SATB2: variants seen among roughly 807,000 people sequenced by gnomAD.
The protein encoded by SATB2 is SATB homeobox 2.
SATB2 carries 1 observed loss-of-function variant against 73.4 expected under a neutral mutation model. The observed-to-expected ratio is 0.01, with a 90% CI of 0.00 to 0.06. The LOEUF (loss-of-function observed/expected upper bound fraction) is 0.06. SATB2 is among the 10% of genes least tolerant of loss of function. SATB2 has a pLI of 1.00. For synonymous variants in SATB2, 397 were observed against 367.0 expected (o/e 1.08, Z -0.93); for missense variants, 459 against 945.8 (o/e 0.49, Z 6.75).
chr2:199,344,682 TACCAA>T (rs1238461933), intron 7 of SATB2, among the ~76,000 whole-genome samples: 1 of 152,214 alleles, frequency 6.6e-6, no homozygotes, highest in African/African-American at 2.4e-5. Flanking sequence ...TGAAGACCGT[TACCAA>T]ACCACAATGA....
At position 199,272,538 on chromosome 2, in the gene SATB2, G is replaced by T. The variant is rs1331363465; in HGVS notation, c.1875C>A (p.Ala625=). The T allele has an allele frequency of 6.2e-7, 1 of 1,614,132 alleles. No homozygotes were observed. The highest frequency in any genetic ancestry group is 1.7e-5 in the Admixed American group (1 of 60,026). The part of the protein sequence containing the change: ...PRSRTKISLE[A]LGILQSFIHD... ...GAATAAAGCTTTGGAGGATCCCCAG[G>T]GCTTCTAAGGAGATCTTTGTGCGAG... Residue 625 remains alanine, a synonymous_variant, in exon 11 of 11, where the codon GCC becomes GCA. Coordinates refer to ENST00000417098, the MANE Select transcript of SATB2 (RefSeq NM_001172509.2). This position sits in a 1 kb window ranked among gnomAD's most constrained non-coding sequence, Gnocchi z 6.7.
intron 9 of SATB2, among the ~76,000 whole-genome samples, chr2:199,311,497 A>C (rs1391208600): frequency 6.6e-6 from 1 of 152,182 alleles, no homozygotes; most frequent in East Asian, 1.9e-4. Context: ...TATAAATAAT[A>C]ACCTACAGAG....
chr2:199,419,541 A>T (rs1164825990), intron 3 of SATB2, among the ~76,000 whole-genome samples: 1 of 152,174 alleles, frequency 6.6e-6, no homozygotes, highest in Non-Finnish European at 1.5e-5. Context: ...TTTTTTAAAA[A>T]TTTTAGCATG....
intron 7 of SATB2, chr2:199,329,467 T>G (rs1688126656): frequency 6.1e-6 from 1 of 163,780 alleles, no homozygotes; most frequent in Non-Finnish European, 1.3e-5. Context: ...AATGGCTAAA[T>G]TGTGTTAACC....
intron 6 of SATB2, among the ~76,000 whole-genome samples, chr2:199,353,028 A>C (rs1688862842): frequency 1.3e-5 from 2 of 152,166 alleles, no homozygotes; most frequent in East Asian, 3.9e-4. Context: ...AGAATGAAAA[A>C]AGAAAAAAAA....
rs899360570 is a variant in SATB2 at position 199,269,818 on chromosome 2, C to T, written c.*2393G>A. ...AAATAGACATATATGCATTGTAATT[C>T]GCAAAGATCTGGCAAGACCACAGGC... On this transcript the variant is annotated 3_prime_UTR_variant, in exon 11 of 11. Transcript: ENST00000417098. 2 of 152,288 alleles carry T rather than the reference C, an allele frequency of 1.3e-5. No individual in the cohort carries two copies. Among genetic ancestry groups the T allele is most frequent in the Non-Finnish European group, 2.9e-5 (2 of 67,966 alleles). 9.4% of individuals were successfully genotyped at this position (152,288 alleles called of 1,614,324 possible).
At chr2:199,280,234 C>T (rs942862675) in intron 10 of SATB2, among the ~76,000 whole-genome samples, 2 of 152,212 alleles carry the variant, frequency 1.3e-5, no homozygotes, top group African/African-American at 2.4e-5. Context: ...CCGATCAATA[C>T]CCTTGTGATT....
intron 7 of SATB2, among the ~76,000 whole-genome samples, chr2:199,341,970 A>T (rs1378434656): frequency 3.3e-5 from 5 of 152,188 alleles, no homozygotes; most frequent in African/African-American, 1.2e-4. Flanking sequence ...CTGGAGTGGA[A>T]GTTATGCTTC....
chr2:199,370,573 A>C (rs1348432192), intron 5 of SATB2, among the ~76,000 whole-genome samples: 2 of 152,088 alleles, frequency 1.3e-5, no homozygotes, highest in African/African-American at 4.8e-5. Flanking sequence ...AACTAAAACG[A>C]ACAGTGTCTA....
intron 3 of SATB2, among the ~76,000 whole-genome samples, chr2:199,414,754 A>G (rs761523194): frequency 6.6e-6 from 1 of 152,172 alleles, no homozygotes; most frequent in Admixed American, 6.5e-5. Context: ...ACCATGTGGC[A>G]TCTTCTTCAG....
intron 10 of SATB2, among the ~76,000 whole-genome samples, chr2:199,286,973 G>A (rs1317313852): frequency 6.6e-6 from 1 of 152,230 alleles, no homozygotes; most frequent in Admixed American, 6.5e-5. Context: ...GAAGATGAAA[G>A]GTTAGGATGA....
chr2:199,335,970 A>C (rs1255884065), intron 7 of SATB2, among the ~76,000 whole-genome samples: 1 of 152,208 alleles, frequency 6.6e-6, no homozygotes, highest in Non-Finnish European at 1.5e-5. Context: ...CTTGAAGCCA[A>C]AACAGTCTGT....
chr2:199,433,595 T>C, intron 2 of SATB2, 81 bp from the exon 3 acceptor site: 1 of 1,266,590 alleles, frequency 7.9e-7, no homozygotes, highest in Non-Finnish European at 1.2e-6. Context: ...GAAGCAACAG[T>C]TATAAAAGTC....
chr2:199,346,637 TAA>T (rs1688659274), intron 7 of SATB2, among the ~76,000 whole-genome samples: 1 of 152,202 alleles, frequency 6.6e-6, no homozygotes, highest in Non-Finnish European at 1.5e-5. Flanking sequence ...CAGTATTGCT[TAA>T]AGAGTATCTA....
intron 10 of SATB2, among the ~76,000 whole-genome samples, chr2:199,303,369 A>C (rs1687339171): frequency 6.6e-6 from 1 of 152,186 alleles, no homozygotes; most frequent in African/African-American, 2.4e-5. Flanking sequence ...AAGGAAAAGG[A>C]GGAGGCAGGG....
intron 3 of SATB2, among the ~76,000 whole-genome samples, chr2:199,419,278 C>T (rs909521263): frequency 6.6e-6 from 1 of 152,160 alleles, no homozygotes; most frequent in African/African-American, 2.4e-5. Context: ...TAAAAAGAAT[C>T]CTTAGTCAGT....
rs79238662 is a variant in SATB2, at chr2:199,377,990, G to A, written c.597+2374C>T. Among the ~76,000 whole-genome samples the A allele has an allele frequency of 6.1e-3, 929 of 151,998 alleles. 8 individuals carry two copies. Among genetic ancestry groups the A allele is most frequent in the African/African-American group, 0.021 (868 of 41,408 alleles). ...GGGTTAAAGATGATCTCATTTGAAC[G>A]TCAAGACAACCCTCCGAACTATGTG... On this transcript the variant is annotated intron_variant, in intron 5 of 10. Coordinates refer to ENST00000417098, the MANE Select transcript of SATB2 (RefSeq NM_001172509.2).
chr2:199,343,776 C>T (rs556030564), intron 7 of SATB2, among the ~76,000 whole-genome samples: 2 of 152,218 alleles, frequency 1.3e-5, no homozygotes, highest in East Asian at 1.9e-4. Context: ...TCAAGGCTGG[C>T]CCATGAACTC....
intron 2 of SATB2, among the ~76,000 whole-genome samples, chr2:199,454,956 CA>C (rs955493604): frequency 3.3e-5 from 5 of 151,352 alleles, no homozygotes; most frequent in African/African-American, 9.7e-5. Context: ...ACGTTAGAGG[CA>C]AAAAAAATTA....
Sources: gnomAD v4.1 joint callset for allele counts (sites outside exome capture counted in the v4.1 genomes callset) on GRCh38, gnomAD v4.1.1 for gene constraint, Gnocchi (gnomAD v3.1) non-coding constraint, MANE v1.5 for transcripts, NCBI Gene and HGNC (gene_info 2026-07-23, HGNC 2026-07-21) for gene names.